Variants in TOPBP1 observed in about 807,000 individuals in gnomAD.
The protein encoded by TOPBP1 is DNA topoisomerase II binding protein 1, also known as DNA topoisomerase 2-binding protein 1.
A neutral mutation model predicts 167.7 loss-of-function variants in TOPBP1; 28 were observed. That is an observed-to-expected ratio of 0.17 (90% confidence interval 0.12 to 0.23). The LOEUF (loss-of-function observed/expected upper bound fraction) is 0.23. TOPBP1 is among the 10% of genes least tolerant of loss of function. The probability of loss-of-function intolerance (pLI) is 1.00; values close to 1 mark genes in which losing one functional copy is unlikely to be tolerated. For missense variants in TOPBP1, 1,554 were observed against 1,809.6 expected (o/e 0.86, Z 2.56); for synonymous variants, 598 against 611.4 (o/e 0.98, Z 0.32).
intron 23 of TOPBP1, among the ~76,000 whole-genome samples, chr3:133,614,985 T>A (rs556712284): frequency 1.3e-3 from 194 of 144,492 alleles, no homozygotes; most frequent in African/African-American, 4.4e-3. Context: ...ATAATAATAA[T>A]AAAAAAATAA....
intron 25 of TOPBP1, among the ~76,000 whole-genome samples, chr3:133,610,538 A>C (rs1934637944): frequency 6.6e-6 from 1 of 152,046 alleles, no homozygotes; most frequent in South Asian, 2.1e-4. Context: ...TTAGTGCAAA[A>C]TTACAGGTAC....
At chr3:133,628,801 T>C in intron 14 of TOPBP1, 68 bp from the exon 15 acceptor site, 2 of 1,482,848 alleles carry the variant, frequency 1.3e-6, no homozygotes, top group Middle Eastern at 1.9e-4. Flanking sequence ...GATGGGTTAA[T>C]AGGACAGGAA....
intron 4 of TOPBP1, 69 bp downstream of exon 4, chr3:133,657,729 A>G: frequency 7.7e-7 from 1 of 1,297,962 alleles, no homozygotes; most frequent in Non-Finnish European, 1.0e-6. Flanking sequence ...GCTATCTTCT[A>G]TGCAGTGAAA....
intron 19 of TOPBP1, among the ~76,000 whole-genome samples, chr3:133,621,572 C>T (rs543203083): frequency 3.9e-5 from 6 of 152,138 alleles, no homozygotes; most frequent in Non-Finnish European, 8.8e-5. Flanking sequence ...AATTCAAATC[C>T]TATGTCATTT....
intron 10 of TOPBP1, among the ~76,000 whole-genome samples, chr3:133,645,976 A>G (rs1191340344): frequency 7.2e-5 from 11 of 151,922 alleles, no homozygotes; most frequent in Non-Finnish European, 1.5e-5. Context: ...GAGAAACCCC[A>G]TCTCTACTAA....
chr3:133,661,061 A>G lies in TOPBP1; in HGVS notation c.67T>C (p.Phe23Leu). 1 of 1,594,860 alleles carries G rather than the reference A, an allele frequency of 6.3e-7. No individual in the cohort carries two copies. The highest frequency in any genetic ancestry group is 8.5e-7 in the Non-Finnish European group (1 of 1,173,426). ...ACTCTTACCTCGAGAGCTTTAAAAA[A>G]ACATTTGGAATTGTCTGAAGACTTT... ...FLKSSDNSKC[F>L]FKALESIKEF... The change falls in exon 2 of 28, where the codon TTT becomes CTT. Residue 23 changes from phenylalanine to leucine, a missense_variant. By Grantham distance (22) the Phe-to-Leu change is conservative (BLOSUM62 0). Coordinates refer to ENST00000260810, the MANE Select transcript of TOPBP1 (RefSeq NM_007027.4).
At chr3:133,658,768 C>T (rs955773892) in intron 3 of TOPBP1, among the ~76,000 whole-genome samples, 3 of 152,170 alleles carry the variant, frequency 2.0e-5, no homozygotes, top group Non-Finnish European at 2.9e-5. Flanking sequence ...GCTTGTGCCA[C>T]TGCACTAAAG....
At chr3:133,621,605 C>T (rs1484345373) in intron 19 of TOPBP1, among the ~76,000 whole-genome samples, 1 of 152,210 alleles carries the variant, frequency 6.6e-6, no homozygotes, top group Non-Finnish European at 1.5e-5. Flanking sequence ...ACTTAAGCAT[C>T]TGTGGATTTT....
At chr3:133,603,906 T>TCA (rs1324783109) in intron 27 of TOPBP1, among the ~76,000 whole-genome samples, 1 of 151,930 alleles carries the variant, frequency 6.6e-6, no homozygotes, top group African/African-American at 2.4e-5. Flanking sequence ...TATGATATGT[T>TCA]CATTAAGATA....
intron 4 of TOPBP1, 36 bp downstream of exon 4, chr3:133,657,762 T>C (rs369041835): frequency 1.0e-5 from 15 of 1,456,238 alleles, no homozygotes; most frequent in African/African-American, 2.9e-5. Flanking sequence ...GAGATAGATA[T>C]ATAAATTGAT....
At chr3:133,655,760 A>G (rs895132690) in intron 5 of TOPBP1, among the ~76,000 whole-genome samples, 4 of 152,184 alleles carry the variant, frequency 2.6e-5, no homozygotes, top group Non-Finnish European at 5.9e-5. Context: ...GTCATAGTAT[A>G]TTTTCCAAAA....
chr3:133,643,878 T>C, intron 11 of TOPBP1, 142 bp downstream of exon 11: 1 of 826,980 alleles, frequency 1.2e-6, no homozygotes, highest in Non-Finnish European at 1.8e-6. Flanking sequence ...AATTTTGAAT[T>C]TCCCTTGCTA....
intron 16 of TOPBP1, among the ~76,000 whole-genome samples, chr3:133,625,814 G>A (rs1226681138): frequency 6.6e-6 from 1 of 151,766 alleles, no homozygotes; most frequent in Non-Finnish European, 1.5e-5. Context: ...ATTTCCTACT[G>A]ACCATGTATC....
intron 16 of TOPBP1, among the ~76,000 whole-genome samples, chr3:133,626,499 T>C (rs914755826): frequency 6.6e-6 from 1 of 152,196 alleles, no homozygotes; most frequent in African/African-American, 2.4e-5. Context: ...TTATAATTAG[T>C]TGAGTCTAGA....
At chr3:133,641,584 G>A (rs1212535900) in intron 12 of TOPBP1, among the ~76,000 whole-genome samples, 2 of 152,150 alleles carry the variant, frequency 1.3e-5, no homozygotes, top group African/African-American at 2.4e-5. Flanking sequence ...CCAGGCTGGT[G>A]TTGAACTTGG....
chr3:133,655,109 T>C (rs1936434511), intron 6 of TOPBP1, among the ~76,000 whole-genome samples, 181 bp downstream of exon 6: 1 of 151,992 alleles, frequency 6.6e-6, no homozygotes, highest in South Asian at 2.1e-4. Context: ...GGAAGCTGAG[T>C]TGGGAGAATC....
In TOPBP1 at chr3:133,604,289, C is replaced by T. The variant is rs138693543; in HGVS notation, c.4426-2896G>A. 7.8e-3 allele frequency among the ~76,000 whole-genome samples: 1,190 copies of T among 151,688 alleles called. 15 individuals are homozygous for T. The highest frequency in any genetic ancestry group is 0.027 in the African/African-American group (1,107 of 41,406). On this transcript the variant is annotated intron_variant, in intron 27 of 27. Coordinates refer to ENST00000260810, the MANE Select transcript of TOPBP1 (RefSeq NM_007027.4). ...GGCTGGGACTACAGGCACACGCCAC[C>T]ACACCCCGCTAATTTTTTTGTATTT...
intron 24 of TOPBP1, among the ~76,000 whole-genome samples, chr3:133,611,914 T>A (rs1425026974): frequency 1.3e-5 from 2 of 152,182 alleles, no homozygotes; most frequent in Non-Finnish European, 2.9e-5. Flanking sequence ...CTGTTTTTAT[T>A]TTTTCTAGAG....
chr3:133,613,152 T>C (rs1295653159), intron 23 of TOPBP1, among the ~76,000 whole-genome samples: 3 of 152,182 alleles, frequency 2.0e-5, no homozygotes, highest in South Asian at 4.1e-4. Flanking sequence ...TGAGCCACCA[T>C]GCCTGGTCCT....
Sources: gnomAD v4.1 joint callset for allele counts (sites outside exome capture counted in the v4.1 genomes callset) on GRCh38, gnomAD v4.1.1 for gene constraint, MANE v1.5 for transcripts, NCBI Gene and HGNC (gene_info 2026-07-23, HGNC 2026-07-21) for gene names.